CCSER1: variants seen among roughly 807,000 people sequenced by gnomAD.
CCSER1 encodes coiled-coil serine rich protein 1, also known as serine-rich coiled-coil domain-containing protein 1.
Under a neutral mutation model 82.0 loss-of-function variants are expected in CCSER1, and 41 were observed. That is an observed-to-expected ratio of 0.50 (90% CI 0.39 to 0.65). The LOEUF (loss-of-function observed/expected upper bound fraction) is 0.65. CCSER1 is among the 30% of genes least tolerant of loss of function. The probability of loss-of-function intolerance (pLI) is 0.00; values close to 1 mark genes in which losing one functional copy is unlikely to be tolerated. For missense variants in CCSER1, 1,119 were observed against 1,064.2 expected, an observed-to-expected ratio of 1.05 and a Z score of -0.72; for synonymous variants, 414 against 383.9, an observed-to-expected ratio of 1.08 and a Z score of -0.92.
intron 8 of CCSER1, among the ~76,000 whole-genome samples, chr4:90,903,836 C>CAAAA (rs34799713): frequency 8.2e-5 from 10 of 121,388 alleles, no homozygotes; most frequent in African/African-American, 2.1e-4. Flanking sequence ...TACTCTGTCT[C>CAAAA]AAAAAAAAAA....
chr4:90,748,585 A>C (rs1747963146), intron 7 of CCSER1, among the ~76,000 whole-genome samples: 1 of 149,568 alleles, frequency 6.7e-6, no homozygotes, highest in Admixed American at 6.7e-5. Flanking sequence ...TGGTATTTCC[A>C]GTTCTAGATC....
intron 5 of CCSER1, among the ~76,000 whole-genome samples, chr4:90,592,319 G>T (rs1560775363): frequency 6.6e-6 from 1 of 152,144 alleles, no homozygotes; most frequent in Non-Finnish European, 1.5e-5. Flanking sequence ...TTGAAAGTTG[G>T]ATTATATTAC....
At chr4:90,490,684 A>G (rs953221238) in intron 5 of CCSER1, among the ~76,000 whole-genome samples, 25 of 152,024 alleles carry the variant, frequency 1.6e-4, no homozygotes, top group African/African-American at 5.5e-4. Context: ...AATCCATCTT[A>G]AATTAATTTT....
rs70965460 is a variant in CCSER1, at chr4:90,943,729, A to ATTTTTTTTTTTTTTTTTTT, written c.2172+20293_2172+20311dup. 7.5e-4 allele frequency among the ~76,000 whole-genome samples: 52 copies of ATTTTTTTTTTTTTTTTTTT among 68,880 alleles called. 2 individuals are homozygous for ATTTTTTTTTTTTTTTTTTT. Among genetic ancestry groups the ATTTTTTTTTTTTTTTTTTT allele is most frequent in the East Asian group, 4.1e-3 (8 of 1,932 alleles). 45.2% of individuals were successfully genotyped at this position (68,880 alleles called of 152,430 possible). ...AAACATGAGCCACTGTGCCAGGCTA[A>ATTTTTTTTTTTTTTTTTTT]TTTTTTTTTTTTTTTTTTTTTTTTT... On this transcript the variant is annotated intron_variant, in intron 9 of 10. Transcript: ENST00000509176.
At chr4:90,436,977 C>A (rs969941502) in intron 4 of CCSER1, among the ~76,000 whole-genome samples, 3 of 151,904 alleles carry the variant, frequency 2.0e-5, no homozygotes, top group Non-Finnish European at 4.4e-5. Flanking sequence ...CCCGCCACCA[C>A]GCCTGGCTAA....
chr4:91,443,919 T>C (rs1193868495), intron 10 of CCSER1, among the ~76,000 whole-genome samples: 1 of 151,948 alleles, frequency 6.6e-6, no homozygotes, highest in East Asian at 1.9e-4. Flanking sequence ...TTAGTAAGAA[T>C]AAACTTAATA....
At chr4:90,466,146 T>C (rs1450025836) in intron 4 of CCSER1, among the ~76,000 whole-genome samples, 1 of 152,216 alleles carries the variant, frequency 6.6e-6, no homozygotes, top group East Asian at 1.9e-4. Context: ...ATTTTGCAGA[T>C]GTAATTAAGG....
chr4:90,452,496 G>T (rs1237239144), intron 4 of CCSER1, among the ~76,000 whole-genome samples: 1 of 152,170 alleles, frequency 6.6e-6, no homozygotes, highest in East Asian at 1.9e-4. Context: ...AGCTACCACT[G>T]CAACTGCCAA....
At chr4:91,128,058 G>C (rs1380725373) in intron 10 of CCSER1, among the ~76,000 whole-genome samples, 3 of 151,950 alleles carry the variant, frequency 2.0e-5, no homozygotes, top group Admixed American at 6.6e-5. Flanking sequence ...TCCTGCTGCT[G>C]CTCCCCCACA....
chr4:90,566,856 C>A (rs1384247821), intron 5 of CCSER1, among the ~76,000 whole-genome samples: 1 of 152,084 alleles, frequency 6.6e-6, no homozygotes, highest in Non-Finnish European at 1.5e-5. Flanking sequence ...CCCATCTCGG[C>A]CTCCCAAAGT....
At position 90,227,745 on chromosome 4, in the gene CCSER1, G is replaced by C. The variant is rs945586869; in HGVS notation, c.-41-80499G>C. Among the ~76,000 whole-genome samples the C allele has an allele frequency of 5.7e-4, 87 of 152,290 alleles. 1 individual carries two copies. Among genetic ancestry groups the C allele is most frequent in the African/African-American group, 1.7e-3 (71 of 41,554 alleles). On this transcript the variant is annotated intron_variant, in intron 1 of 10. Coordinates refer to ENST00000509176, the MANE Select transcript of CCSER1 (RefSeq NM_001145065.2). ...CTCACTAGGGAGTGCCAGACAGTGG[G>C]CGCAAGTCAATGGGTGCGCGCACCA...
At chr4:90,156,852 T>G (rs973728719) in intron 1 of CCSER1, among the ~76,000 whole-genome samples, 2 of 152,232 alleles carry the variant, frequency 1.3e-5, no homozygotes, top group Non-Finnish European at 2.9e-5. Context: ...GTCTTTTAAT[T>G]GGAACATTTA....
intron 5 of CCSER1, among the ~76,000 whole-genome samples, chr4:90,573,730 G>T (rs187814123): frequency 4.6e-5 from 7 of 152,174 alleles, no homozygotes; most frequent in Admixed American, 4.6e-4. Context: ...AATTTTAAAA[G>T]ATATTCCTTC....
At chr4:90,787,842 G>A (rs764349056) in intron 7 of CCSER1, among the ~76,000 whole-genome samples, 17 of 152,138 alleles carry the variant, frequency 1.1e-4, no homozygotes, top group African/African-American at 3.9e-4. Flanking sequence ...AAGTGGTGAC[G>A]CTTCCTAAAT....
intron 10 of CCSER1, among the ~76,000 whole-genome samples, chr4:91,458,732 C>T (rs79534987): frequency 6.6e-6 from 1 of 152,158 alleles, no homozygotes; most frequent in East Asian, 1.9e-4. Context: ...CACTTATTTG[C>T]TTAAATTTAT....
At chr4:91,527,208 C>G (rs1760811104) in intron 10 of CCSER1, among the ~76,000 whole-genome samples, 1 of 152,102 alleles carries the variant, frequency 6.6e-6, no homozygotes, top group Non-Finnish European at 1.5e-5. Context: ...AAGTGCATAG[C>G]ATTTTAAGAA....
intron 3 of CCSER1, among the ~76,000 whole-genome samples, chr4:90,354,637 T>G (rs1038218874): frequency 6.6e-6 from 1 of 152,200 alleles, no homozygotes. Flanking sequence ...CCCCAATACA[T>G]CTGAAATAAA....
intron 4 of CCSER1, among the ~76,000 whole-genome samples, chr4:90,451,265 A>G (rs1408146757): frequency 6.6e-6 from 1 of 152,084 alleles, no homozygotes; most frequent in Non-Finnish European, 1.5e-5. Flanking sequence ...TTCTCTGTTC[A>G]TCATGGAAAT....
intron 9 of CCSER1, among the ~76,000 whole-genome samples, chr4:91,075,869 C>T (rs901133323): frequency 7.2e-5 from 11 of 152,040 alleles, no homozygotes; most frequent in Non-Finnish European, 1.0e-4. Context: ...AACCAAATTA[C>T]TGTCAATAAG....
Sources: allele counts gnomAD v4.1 joint callset (sites outside exome capture counted in the v4.1 genomes callset), GRCh38; gene constraint gnomAD v4.1.1; transcripts MANE v1.5; gene names NCBI Gene and HGNC (gene_info 2026-07-23, HGNC 2026-07-21).